KAT6B: variants seen among roughly 807,000 people sequenced by gnomAD.
The protein encoded by KAT6B is lysine acetyltransferase 6B.
In KAT6B, 10 loss-of-function variants were observed where a neutral mutation model predicts 187.5. The observed-to-expected ratio is 0.05, with a 90% confidence interval of 0.03 to 0.09. The LOEUF is 0.09. Ranked by LOEUF, KAT6B falls within the 10% of genes least tolerant of loss-of-function variation. The pLI, the probability that KAT6B is intolerant of heterozygous loss-of-function variation, is 1.00. For missense variants in KAT6B, 1,952 were observed against 2,558.9 expected (o/e 0.76, Z 5.12); for synonymous variants, 861 against 926.8 (o/e 0.93, Z 1.29).
intron 3 of KAT6B, among the ~76,000 whole-genome samples, chr10:74,891,754 T>C (rs1022354740): frequency 6.6e-6 from 1 of 152,350 alleles, no homozygotes. Flanking sequence ...TTTTATAAAT[T>C]ATTTTTTAGT....
intron 3 of KAT6B, among the ~76,000 whole-genome samples, chr10:74,938,777 C>T (rs976364946): frequency 2.6e-5 from 4 of 152,088 alleles, no homozygotes; most frequent in Admixed American, 2.0e-4. Context: ...CACTCTGTCA[C>T]ACAGGCTGGA....
intron 3 of KAT6B, among the ~76,000 whole-genome samples, chr10:74,944,660 T>C (rs1849970720): frequency 6.6e-6 from 1 of 151,750 alleles, no homozygotes; most frequent in African/African-American, 2.4e-5. Context: ...ATACAAAAAA[T>C]TAGCCGGGCG....
chr10:74,851,066 A>C (rs1336480007), intron 3 of KAT6B, among the ~76,000 whole-genome samples: 1 of 152,196 alleles, frequency 6.6e-6, no homozygotes, highest in Non-Finnish European at 1.5e-5. Flanking sequence ...ACATAAACAA[A>C]ATTACAAAAA....
At chr10:74,889,023 A>G (rs1177914636) in intron 3 of KAT6B, among the ~76,000 whole-genome samples, 5 of 152,336 alleles carry the variant, frequency 3.3e-5, no homozygotes, top group Non-Finnish European at 5.9e-5. Context: ...TTGGTGACAT[A>G]GTTTACTAAT....
chr10:74,825,188 G>A (rs1233036781), upstream of KAT6B, among the ~76,000 whole-genome samples: 2 of 152,208 alleles, frequency 1.3e-5, no homozygotes, highest in African/African-American at 2.4e-5. The surrounding 1 kb of genome is among the most constrained non-coding windows in gnomAD (Gnocchi z 5.0). Flanking sequence ...GACGAAGTTT[G>A]GGGCCCACAG....
At chr10:74,925,635 A>G (rs1848444016) in intron 3 of KAT6B, among the ~76,000 whole-genome samples, 1 of 152,142 alleles carries the variant, frequency 6.6e-6, no homozygotes, top group Non-Finnish European at 1.5e-5. Flanking sequence ...AGGGGTGAAA[A>G]TTGTCTATAC....
In KAT6B at chr10:75,024,959, G is replaced by T; in HGVS notation, c.3374G>T (p.Arg1125Met). 1.9e-6 allele frequency: 3 copies of T among 1,613,760 alleles called. No individual in the cohort carries two copies. Among genetic ancestry groups the T allele is most frequent in the Non-Finnish European group, 2.5e-6 (3 of 1,179,718 alleles). ...KPQSVAIKRK[R>M]PFVLKKKRGR... ...TGTTATGTTTGGAATTAATTTCAGAGGCCTTTTGTACTAAAGAAGAAAAGG... is the reference window on the plus strand; with the variant it reads ...TGTTATGTTTGGAATTAATTTCAGATGCCTTTTGTACTAAAGAAGAAAAGG... The change falls in exon 17 of 18, where the codon AGG becomes ATG. Residue 1125 changes from arginine to methionine, a missense_variant and splice_region_variant. Arg to Met is a moderately conservative substitution (Grantham distance 91). Around this residue, in one of 9 missense-constraint regions of KAT6B, gnomAD observed 758 missense variants for 891.4 expected, o/e 0.85. Transcript: ENST00000287239.
chr10:74,945,749 G>T (rs1046666268), intron 3 of KAT6B, among the ~76,000 whole-genome samples: 2 of 151,960 alleles, frequency 1.3e-5, no homozygotes, highest in Admixed American at 1.3e-4. Flanking sequence ...TGTGCCCGCC[G>T]GCCTGCCCAA....
Position 75,030,131 on chromosome 10 carries a change from C to T in KAT6B, c.5307C>T (p.Cys1769=), listed in dbSNP as rs754861593. 1.9e-6 allele frequency: 3 copies of T among 1,614,262 alleles called. No individual in the cohort carries two copies. Among genetic ancestry groups the T allele is most frequent in the East Asian group, 2.2e-5 (1 of 44,886 alleles). ...PPSSSQQLAQ[C]SMAANFTPPM... ...GCAGCAGCCAGCAGCTGGCTCAGTG[C>T]AGCATGGCTGCTAACTTCACCCCAC... The change falls in exon 18 of 18, where the codon TGC becomes TGT. Residue 1769 remains cysteine, a synonymous_variant. Coordinates refer to ENST00000287239, the MANE Select transcript of KAT6B (RefSeq NM_012330.4). The surrounding 1 kb of genome is among the most constrained non-coding windows in gnomAD (Gnocchi z 4.8).
chr10:74,958,095 G>A (rs547450068), intron 3 of KAT6B, among the ~76,000 whole-genome samples: 4 of 152,212 alleles, frequency 2.6e-5, no homozygotes, highest in Admixed American at 2.6e-4. Context: ...GAGATTTGCA[G>A]TCATATTAAA....
chr10:74,831,977 C>G lies in KAT6B; in HGVS notation c.-329+5192C>G, dbSNP rs371239632. Among the ~76,000 whole-genome samples, 141 of 152,246 alleles carry G rather than the reference C, an allele frequency of 9.3e-4. 1 individual carries two copies. In the Middle Eastern group the frequency reaches 0.014, roughly 15 times the overall value. On this transcript the variant is annotated intron_variant, in intron 1 of 17. Coordinates refer to ENST00000287239, the MANE Select transcript of KAT6B (RefSeq NM_012330.4). ...TCAGAAACCTGTTTTTTGATAACAT[C>G]CAAAACCAAAAAGAATAACTTTCTT...
Position 75,030,812 on chromosome 10 carries a change from C to T in KAT6B, c.5988C>T (p.Ser1996=), listed in dbSNP as rs776740902. 1 of 1,614,206 alleles carries T rather than the reference C, an allele frequency of 6.2e-7. No homozygotes were observed. The highest frequency in any genetic ancestry group is 1.7e-5 in the Admixed American group (1 of 60,026). Reference sequence around the variant, plus strand: ...CTCTCAACGCCATGAATGGGTACAGCATGTCCCAGCCAATGATGAACAGTG... The same window carrying T: ...CTCTCAACGCCATGAATGGGTACAGTATGTCCCAGCCAATGATGAACAGTG... ...MNTLNAMNGY[S]MSQPMMNSGY... The change falls in exon 18 of 18, where the codon AGC becomes AGT. Residue 1996 remains serine, a synonymous_variant. Coordinates refer to ENST00000287239, the MANE Select transcript of KAT6B (RefSeq NM_012330.4). The surrounding 1 kb of genome is among the most constrained non-coding windows in gnomAD (Gnocchi z 4.8).
At chr10:74,924,400 A>G (rs1274198129) in intron 3 of KAT6B, among the ~76,000 whole-genome samples, 41 of 152,234 alleles carry the variant, frequency 2.7e-4, no homozygotes, top group Admixed American at 2.6e-3. Flanking sequence ...GCATGCTGTC[A>G]GTTTGGTGAC....
chr10:74,976,404 A>G, intron 8 of KAT6B, 74 bp downstream of exon 8: 2 of 1,198,630 alleles, frequency 1.7e-6, no homozygotes, highest in Non-Finnish European at 2.4e-6. Flanking sequence ...AAAATCAACC[A>G]ATCAATTCCT....
intron 3 of KAT6B, among the ~76,000 whole-genome samples, chr10:74,910,617 T>C (rs1847134153): frequency 6.6e-6 from 1 of 152,078 alleles, no homozygotes; most frequent in South Asian, 2.1e-4. Context: ...ATTTTTTCTT[T>C]TTTTTTTGGT....
intron 13 of KAT6B, among the ~76,000 whole-genome samples, chr10:74,990,084 A>G (rs1202754525): frequency 1.3e-5 from 2 of 151,230 alleles, no homozygotes; most frequent in African/African-American, 4.9e-5. Flanking sequence ...ACTCCCAGCT[A>G]CTAGGGAGGC....
intron 3 of KAT6B, among the ~76,000 whole-genome samples, chr10:74,917,408 A>G (rs1012595773): frequency 1.3e-5 from 2 of 152,202 alleles, no homozygotes; most frequent in African/African-American, 4.8e-5. Context: ...GATCCCATCC[A>G]GGATCCCACA....
chr10:74,860,605 G>T (rs1039209758), intron 3 of KAT6B, among the ~76,000 whole-genome samples: 1 of 152,032 alleles, frequency 6.6e-6, no homozygotes, highest in Admixed American at 6.6e-5. Context: ...TCATTTCTTC[G>T]GGCGAAATCA....
intron 3 of KAT6B, among the ~76,000 whole-genome samples, chr10:74,879,449 A>G (rs1044062343): frequency 3.3e-5 from 5 of 152,250 alleles, no homozygotes; most frequent in African/African-American, 7.2e-5. Context: ...AGGCAGCTTA[A>G]TAATTTACAA....
Sources: allele counts gnomAD v4.1 joint callset (sites outside exome capture counted in the v4.1 genomes callset), GRCh38; gene constraint gnomAD v4.1.1; regional missense constraint gnomAD v4.1.1; non-coding constraint Gnocchi (gnomAD v3.1); transcripts MANE v1.5; gene names NCBI Gene and HGNC (gene_info 2026-07-23, HGNC 2026-07-21).